The following SAFB2 variants were observed in gnomAD, a reference collection of about 807,000 sequenced individuals.
SAFB2 encodes scaffold attachment factor B2.
In SAFB2, 32 loss-of-function variants were observed where a neutral mutation model predicts 100.6. The observed-to-expected ratio is 0.32, with a 90% CI of 0.24 to 0.43. The LOEUF (loss-of-function observed/expected upper bound fraction) is 0.43. Ranked by LOEUF, SAFB2 falls within the 20% of genes least tolerant of loss-of-function variation. SAFB2 has a pLI of 1.00. For synonymous variants in SAFB2, 500 were observed against 439.4 expected (o/e 1.14, Z -1.72); for missense variants, 1,185 against 1,163.4 (o/e 1.02, Z -0.27).
In SAFB2 at chr19:5,606,729, C is replaced by G. The variant is rs151301079; in HGVS notation, c.1297-1793G>C. ...CTGAAGGAACAAAGATTAAATTAAC[C>G]TAGAATTCTATACCCAGTGAAAATT... On this transcript the variant is annotated intron_variant, in intron 9 of 20. Transcript: ENST00000252542. 3.3e-5 allele frequency among the ~76,000 whole-genome samples: 5 copies of G among 152,224 alleles called. No individual in the cohort carries two copies. The East Asian group carries it at 9.7e-4, about 29-fold the overall frequency.
At chr19:5,603,849 C>T (rs1473703397) in intron 11 of SAFB2, among the ~76,000 whole-genome samples, 1 of 152,196 alleles carries the variant, frequency 6.6e-6, no homozygotes, top group African/African-American at 2.4e-5. Context: ...AGGCTAAATT[C>T]CTTTGGATGA....
chr19:5,608,414 T>G (rs1049510774), intron 9 of SAFB2, among the ~76,000 whole-genome samples: 1 of 152,232 alleles, frequency 6.6e-6, no homozygotes, highest in African/African-American at 2.4e-5. Context: ...TAATCATCAG[T>G]GTCCGAGTGA....
At chr19:5,621,968 T>G (rs1357692785) in intron 1 of SAFB2, among the ~76,000 whole-genome samples, 2 of 152,232 alleles carry the variant, frequency 1.3e-5, no homozygotes, top group African/African-American at 4.8e-5. Context: ...AAACGCAGGA[T>G]GAGCTGGCAA....
chr19:5,593,951 T>G lies in SAFB2; in HGVS notation c.2147A>C (p.Gln716Pro), dbSNP rs1568209308. Residue 716 changes from glutamine (Q) to proline (P), a missense_variant, in exon 15 of 21, where the codon CAG becomes CCG. Transcript: ENST00000252542. ...CTCCTGCTCGTAACGCAGCTGCTCC[T>G]GCTGGCGCCGCAGCTCCTCGCGCTC... The part of the protein sequence containing the change: ...HREREELRRQ[Q>P]EQLRYEQERR... The G allele has an allele frequency of 6.4e-7, 1 of 1,555,892 alleles. No homozygotes were observed. Among genetic ancestry groups the G allele is most frequent in the Non-Finnish European group, 8.6e-7 (1 of 1,159,248 alleles).
chr19:5,599,252 G>A (rs573542365), intron 12 of SAFB2, among the ~76,000 whole-genome samples: 22 of 152,240 alleles, frequency 1.4e-4, no homozygotes, highest in South Asian at 1.0e-3. Flanking sequence ...GTGAAGCTCC[G>A]CAGTATCCAG....
At chr19:5,612,612 G>A (rs754872892) in intron 5 of SAFB2, 45 bp from the exon 6 acceptor site, 18 of 1,495,532 alleles carry the variant, frequency 1.2e-5, no homozygotes, top group African/African-American at 4.1e-5. Flanking sequence ...CTTTAAACAC[G>A]GGGCACATAC....
rs1219488853 is a variant in SAFB2, at chr19:5,616,243, A to G, written c.432T>C (p.Ala144=). Residue 144 remains alanine, a synonymous_variant, in exon 4 of 21, where the codon GCT becomes GCC. Transcript: ENST00000252542. ...CCGTGCCATCCTCCCCAAAATCTGGAGCACTGCTATTCGCCACTTCAGTTT... is the reference window on the plus strand; with the variant it reads ...CCGTGCCATCCTCCCCAAAATCTGGGGCACTGCTATTCGCCACTTCAGTTT... ...LDETEVANSS[A]PDFGEDGTDG... The G allele has an allele frequency of 6.2e-7, 1 of 1,614,190 alleles. No individual in the cohort carries two copies. Among genetic ancestry groups the G allele is most frequent in the East Asian group, 2.2e-5 (1 of 44,884 alleles).
At position 5,604,592 on chromosome 19, in the gene SAFB2, T is replaced by C. The variant is rs2052732992; in HGVS notation, c.1550A>G (p.Lys517Arg). 5 of 1,613,490 alleles carry C rather than the reference T, an allele frequency of 3.1e-6. No homozygotes were observed. The highest frequency in any genetic ancestry group is 2.2e-5 in the East Asian group (1 of 44,876). The change falls in exon 11 of 21, where the codon AAA (lysine) becomes AGA (arginine). Residue 517 changes from lysine to arginine, a missense_variant. By Grantham distance (26) the Lys-to-Arg change is conservative. This residue lies in a region of SAFB2 where 740 missense variants were observed against 687.1 expected (regional missense o/e 1.08). Coordinates refer to ENST00000252542, the MANE Select transcript of SAFB2 (RefSeq NM_014649.3). ...SVDRHHSVEI[K>R]IEKTVIKKEE... ...TGAAAATTCACTTTACTTTTCAATT[T>C]TGATCTCCACAGAATGATGTCTGTC...
intron 9 of SAFB2, among the ~76,000 whole-genome samples, chr19:5,609,515 G>A (rs2052859146): frequency 6.6e-6 from 1 of 152,078 alleles, no homozygotes; most frequent in Non-Finnish European, 1.5e-5. Flanking sequence ...TGTTGGCCAG[G>A]CTGGTCTCCA....
rs200092687 is a variant in SAFB2, at chr19:5,594,158, C to T, written c.1940G>A (p.Arg647Gln). The change falls in exon 15 of 21, where the codon CGG (arginine) becomes CAG (glutamine). Residue 647 changes from arginine (R) to glutamine (Q), a missense_variant. This residue lies in a region of SAFB2 where 740 missense variants were observed against 687.1 expected (regional missense o/e 1.08). Coordinates refer to ENST00000252542, the MANE Select transcript of SAFB2 (RefSeq NM_014649.3). The part of the protein sequence containing the change: ...ERRREREQRE[R>Q]EQRLEAFHER... Reference sequence around the variant, plus strand: ...ATGGAAGGCCTCGAGGCGTTGCTCCCGCTCCCGCTGCTCGCGCTCCCTGCG... The same window carrying T: ...ATGGAAGGCCTCGAGGCGTTGCTCCTGCTCCCGCTGCTCGCGCTCCCTGCG... The T allele has an allele frequency of 4.4e-6, 7 of 1,598,164 alleles. No individual in the cohort carries two copies. In the African/African-American group the frequency reaches 6.7e-5, roughly 15 times the overall value.
At chr19:5,622,291 G>A (rs985121468) in intron 1 of SAFB2, among the ~76,000 whole-genome samples, 1 of 152,222 alleles carries the variant, frequency 6.6e-6, no homozygotes, top group Non-Finnish European at 1.5e-5. Context: ...GGAGAAGACC[G>A]CACGCTGAGC....
intron 4 of SAFB2, among the ~76,000 whole-genome samples, chr19:5,614,295 A>T (rs933442012): frequency 1.3e-5 from 2 of 152,162 alleles, no homozygotes; most frequent in African/African-American, 4.8e-5. Flanking sequence ...AACTTGGTCA[A>T]TTTCTCTCTT....
In SAFB2 at chr19:5,587,361, T is replaced by A. The variant is rs1171079219; in HGVS notation, c.2744A>T (p.His915Leu). The part of the protein sequence containing the change: ...GFAQGGHSQG[H>L]VVPGGGLEGG... ...TTCCAGTCCGCCACCTGGCACCACG[T>A]GGCCCTGGGAATGTCCACCTTGTGC... is the stretch of plus-strand genomic sequence containing the variant. The change falls in exon 21 of 21, where the codon CAC becomes CTC. Residue 915 changes from histidine (H) to leucine (L), a missense_variant. By Grantham distance (99) the His-to-Leu change is moderately conservative (BLOSUM62 -3). Around this residue, in one of 3 missense-constraint regions of SAFB2, gnomAD observed 740 missense variants for 687.1 expected, o/e 1.08. Coordinates refer to ENST00000252542, the MANE Select transcript of SAFB2 (RefSeq NM_014649.3). The surrounding 1 kb of genome is among the most constrained non-coding windows in gnomAD (Gnocchi z 4.9). 1 of 1,613,116 alleles carries A rather than the reference T, an allele frequency of 6.2e-7. No homozygotes were observed. Among genetic ancestry groups the A allele is most frequent in the Non-Finnish European group, 8.5e-7 (1 of 1,179,706 alleles).
intron 11 of SAFB2, among the ~76,000 whole-genome samples, chr19:5,603,821 T>C (rs2052715380): frequency 6.6e-6 from 1 of 152,222 alleles, no homozygotes; most frequent in Non-Finnish European, 1.5e-5. Flanking sequence ...TCAAGGTCAT[T>C]CACTGCAACA....
At chr19:5,599,455 C>T (rs1223001838) in intron 12 of SAFB2, among the ~76,000 whole-genome samples, 1 of 152,228 alleles carries the variant, frequency 6.6e-6, no homozygotes, top group Admixed American at 6.5e-5. Flanking sequence ...TTTAAAAACA[C>T]GTTCCTCGTG....
Position 5,595,312 on chromosome 19 carries a change from C to T in SAFB2, c.1919+49G>A. On this transcript the variant is annotated intron_variant, in intron 14 of 20. Coordinates refer to ENST00000252542, the MANE Select transcript of SAFB2 (RefSeq NM_014649.3). ...CAAGTACAGCTGGGAGAAGGACAGC[C>T]ACCCCGAGAGGAAACCACCAGCCCA... is the stretch of plus-strand genomic sequence containing the variant. The T allele has an allele frequency of 3.2e-6, 5 of 1,584,180 alleles. No homozygotes were observed. In the South Asian group the frequency reaches 3.4e-5, roughly 11 times the overall value.
intron 14 of SAFB2, 148 bp downstream of exon 14, chr19:5,595,213 G>T: frequency 9.4e-7 from 1 of 1,063,386 alleles, no homozygotes; most frequent in Non-Finnish European, 1.4e-6. Context: ...GCTGGCCCCT[G>T]CCTCGAGGAC....
At chr19:5,605,883 G>C (rs2052764030) in intron 9 of SAFB2, among the ~76,000 whole-genome samples, 2 of 152,304 alleles carry the variant, frequency 1.3e-5, no homozygotes, top group Admixed American at 6.5e-5. Flanking sequence ...GACCAAGACA[G>C]AGAGAAATCA....
At position 5,604,775 on chromosome 19, in the gene SAFB2, G is replaced by C; in HGVS notation, c.1446+12C>G. ...TCCATTTGCGAGTTACCATAGACGAGAACTGCCTCACCTTCTCTACGGAGA... is the reference window on the plus strand; with the variant it reads ...TCCATTTGCGAGTTACCATAGACGACAACTGCCTCACCTTCTCTACGGAGA... On this transcript the variant is annotated intron_variant, in intron 10 of 20. Coordinates refer to ENST00000252542, the MANE Select transcript of SAFB2 (RefSeq NM_014649.3). 6.2e-7 allele frequency: 1 copy of C among 1,613,980 alleles called. No homozygotes were observed. The highest frequency in any genetic ancestry group is 8.5e-7 in the Non-Finnish European group (1 of 1,179,842).
Sources: gnomAD v4.1 joint callset for allele counts (sites outside exome capture counted in the v4.1 genomes callset) on GRCh38, gnomAD v4.1.1 for gene constraint, gnomAD v4.1.1 regional missense constraint, Gnocchi (gnomAD v3.1) non-coding constraint, MANE v1.5 for transcripts, NCBI Gene and HGNC (gene_info 2026-07-23, HGNC 2026-07-21) for gene names.